The following GALNTL6 variants were observed in gnomAD, a reference collection of about 807,000 sequenced individuals.
GALNTL6 encodes polypeptide N-acetylgalactosaminyltransferase like 6.
GALNTL6 carries 46 observed loss-of-function variants against 73.7 expected under a neutral mutation model. The ratio of observed to expected loss-of-function variants is 0.62; its 90% confidence interval spans 0.49 to 0.80. The LOEUF is 0.80. Among genes scored for constraint, GALNTL6 ranks in the 30% least tolerant of loss-of-function variants. GALNTL6 has a pLI of 0.00. For synonymous variants in GALNTL6, 259 were observed against 263.7 expected, an observed-to-expected ratio of 0.98 and a Z score of 0.17; for missense variants, 604 against 755.0, an observed-to-expected ratio of 0.80 and a Z score of 2.34.
chr4:172,800,755 T>C (rs1291241460), intron 5 of GALNTL6, among the ~76,000 whole-genome samples: 1 of 152,180 alleles, frequency 6.6e-6, no homozygotes, highest in Non-Finnish European at 1.5e-5. Flanking sequence ...CAGTATTTCA[T>C]AGACAGACCT....
chr4:172,676,255 A>T (rs1732295821), intron 5 of GALNTL6, among the ~76,000 whole-genome samples: 2 of 152,344 alleles, frequency 1.3e-5, no homozygotes, highest in African/African-American at 2.4e-5. Flanking sequence ...GTGAAGAAAG[A>T]CTACAAGGGA....
At chr4:172,172,613 G>A (rs1734866758) in intron 2 of GALNTL6, among the ~76,000 whole-genome samples, 1 of 152,088 alleles carries the variant, frequency 6.6e-6, no homozygotes. Flanking sequence ...AGAGGCTTCA[G>A]AAGAAATAAC....
At chr4:171,946,391 C>T (rs530692118) in intron 2 of GALNTL6, among the ~76,000 whole-genome samples, 46 of 152,268 alleles carry the variant, frequency 3.0e-4, no homozygotes, top group African/African-American at 1.0e-3. Context: ...ACTGCTTTTA[C>T]AGCCTTAGCA....
At chr4:171,878,575 T>C (rs1736343513) in intron 2 of GALNTL6, among the ~76,000 whole-genome samples, 1 of 152,188 alleles carries the variant, frequency 6.6e-6, no homozygotes, top group Non-Finnish European at 1.5e-5. Context: ...TCTTCCTTCA[T>C]GTATATTATT....
rs537290203 is a variant in GALNTL6, at chr4:172,483,017, T to C, written c.553+134328T>C. On this transcript the variant is annotated intron_variant, in intron 5 of 12. Coordinates refer to ENST00000506823, the MANE Select transcript of GALNTL6 (RefSeq NM_001034845.3). ...TTAAATGAGTTTATGTATATATATA[T>C]ATGAAGCATTCAAAGGAGAGGACAA... Among the ~76,000 whole-genome samples, 127 of 152,130 alleles carry C rather than the reference T, an allele frequency of 8.3e-4. 1 individual carries two copies. Among genetic ancestry groups the C allele is most frequent in the African/African-American group, 3.0e-3 (126 of 41,538 alleles).
At chr4:172,172,241 G>A (rs920698549) in intron 2 of GALNTL6, among the ~76,000 whole-genome samples, 2 of 152,026 alleles carry the variant, frequency 1.3e-5, no homozygotes, top group East Asian at 3.9e-4. Flanking sequence ...TCTGTCGCCT[G>A]GGCTGGAGCA....
At chr4:172,608,110 G>A (rs1040608659) in intron 5 of GALNTL6, among the ~76,000 whole-genome samples, 1 of 151,510 alleles carries the variant, frequency 6.6e-6, no homozygotes, top group Non-Finnish European at 1.5e-5. Flanking sequence ...TGTTTCTTTT[G>A]CTGTGCAGAA....
At chr4:172,196,810 A>G (rs866054306) in intron 2 of GALNTL6, among the ~76,000 whole-genome samples, 2 of 152,212 alleles carry the variant, frequency 1.3e-5, no homozygotes, top group Non-Finnish European at 2.9e-5. Flanking sequence ...AATAAGAGCC[A>G]TTTATGACAA....
chr4:172,301,698 C>T (rs1363366907), intron 3 of GALNTL6, among the ~76,000 whole-genome samples: 1 of 152,156 alleles, frequency 6.6e-6, no homozygotes, highest in African/African-American at 2.4e-5. Flanking sequence ...TGGTGAACAG[C>T]AAATGTTGCT....
intron 2 of GALNTL6, among the ~76,000 whole-genome samples, chr4:171,918,628 C>A (rs114220124): frequency 0.051 from 7,778 of 152,136 alleles, 594 homozygotes; most frequent in African/African-American, 0.17. Flanking sequence ...TATGATCCAG[C>A]AATCTTACTT....
intron 5 of GALNTL6, among the ~76,000 whole-genome samples, chr4:172,467,413 C>T (rs915119517): frequency 1.3e-5 from 2 of 152,194 alleles, no homozygotes; most frequent in Non-Finnish European, 2.9e-5. Context: ...TATGCAACTG[C>T]GAGTCTCCTG....
intron 2 of GALNTL6, among the ~76,000 whole-genome samples, chr4:172,171,879 A>G (rs1734842382): frequency 6.6e-6 from 1 of 152,116 alleles, no homozygotes; most frequent in South Asian, 2.1e-4. Flanking sequence ...GCAGTATTGG[A>G]AGTTCCTGCT....
chr4:172,549,881 TATAA>T (rs1735895269), intron 5 of GALNTL6, among the ~76,000 whole-genome samples: 1 of 152,182 alleles, frequency 6.6e-6, no homozygotes, highest in African/African-American at 2.4e-5. Context: ...CCTTTCCGTT[TATAA>T]ATAACATTTT....
At chr4:172,476,323 T>G (rs1733229831) in intron 5 of GALNTL6, among the ~76,000 whole-genome samples, 1 of 152,186 alleles carries the variant, frequency 6.6e-6, no homozygotes, top group Non-Finnish European at 1.5e-5. Flanking sequence ...CTAATTGCAT[T>G]CATGTGGTGT....
intron 8 of GALNTL6, among the ~76,000 whole-genome samples, chr4:172,904,489 T>C (rs1249912220): frequency 1.3e-5 from 2 of 152,320 alleles, no homozygotes; most frequent in East Asian, 1.9e-4. Context: ...CTTCTGGTTC[T>C]TGTCCTCACC....
intron 11 of GALNTL6, among the ~76,000 whole-genome samples, 187 bp downstream of exon 11, chr4:173,009,481 T>C (rs1337508403): frequency 6.6e-6 from 1 of 152,250 alleles, no homozygotes; most frequent in Non-Finnish European, 1.5e-5. Flanking sequence ...TTATGTTTCT[T>C]CTCAGAGCAG....
At chr4:172,371,540 C>A (rs1742809198) in intron 5 of GALNTL6, among the ~76,000 whole-genome samples, 1 of 152,114 alleles carries the variant, frequency 6.6e-6, no homozygotes, top group Non-Finnish European at 1.5e-5. Context: ...CTTTCTTTCT[C>A]TTTGACTTCT....
intron 2 of GALNTL6, 99 bp downstream of exon 2, chr4:171,814,817 C>T: frequency 4.0e-6 from 5 of 1,254,324 alleles, no homozygotes; most frequent in Non-Finnish European, 5.7e-6. Flanking sequence ...TTGGGTTTTC[C>T]CCCAAGTCTT....
chr4:171,815,003 G>A, intron 2 of GALNTL6: 2 of 512,116 alleles, frequency 3.9e-6, no homozygotes, highest in African/African-American at 1.9e-5. Context: ...GACTTGAGGT[G>A]GATGAAAGGT....
Sources: gnomAD v4.1 joint callset for allele counts (sites outside exome capture counted in the v4.1 genomes callset) on GRCh38, gnomAD v4.1.1 for gene constraint, MANE v1.5 for transcripts, NCBI Gene and HGNC (gene_info 2026-07-23, HGNC 2026-07-21) for gene names.